ELMOD1: variants seen among roughly 807,000 people sequenced by gnomAD.
ELMOD1 encodes the protein ELMO domain-containing protein 1.
A neutral mutation model predicts 46.7 loss-of-function variants in ELMOD1; 21 were observed. The observed-to-expected ratio is 0.45, with a 90% confidence interval of 0.32 to 0.65. ELMOD1 has a LOEUF of 0.65. ELMOD1 is among the 30% of genes least tolerant of loss of function. ELMOD1 has a pLI of 0.04. For synonymous variants in ELMOD1, 122 were observed against 138.2 expected (o/e 0.88, Z 0.82); for missense variants, 348 against 407.8 (o/e 0.85, Z 1.26).
chr11:107,600,998 G>C (rs964859705), intron 1 of ELMOD1: 1 of 151,912 alleles, frequency 6.6e-6, no homozygotes, highest in Admixed American at 6.6e-5. Context: ...TAAAATGTAA[G>C]TTTTTGTGTA....
intron 11 of ELMOD1, among the ~76,000 whole-genome samples, chr11:107,659,666 GA>G (rs1866697847): frequency 8.2e-5 from 7 of 84,892 alleles, no homozygotes; most frequent in African/African-American, 2.2e-4. Flanking sequence ...TGGGTGGGTG[GA>G]TGGATGGATG....
rs749295217 is a variant in ELMOD1 at position 107,650,347 on chromosome 11, A to C, written c.567A>C (p.Glu189Asp). Reference sequence around the variant, plus strand: ...CCTCCCGCTGCAGGTATTTCGCGGAAAGGGATGCCACAGCAGCTCAGCAGG... The same window carrying C: ...CCTCCCGCTGCAGGTATTTCGCGGACAGGGATGCCACAGCAGCTCAGCAGG... ...LGLYNLQYFA[E>D]RDATAAQQVL... is the part of the protein sequence containing the mutation. The change falls in exon 8 of 12, where the codon GAA becomes GAC. Residue 189 changes from glutamate (E) to aspartate (D), a missense_variant. Glu to Asp is a conservative substitution (Grantham distance 45, BLOSUM62 2). Transcript: ENST00000265840. 3.1e-6 allele frequency: 5 copies of C among 1,587,948 alleles called. No homozygotes were observed. Among genetic ancestry groups the C allele is most frequent in the Non-Finnish European group, 4.3e-6 (5 of 1,165,710 alleles).
At chr11:107,633,441 CT>C (rs947485539) in intron 5 of ELMOD1, among the ~76,000 whole-genome samples, 8 of 151,564 alleles carry the variant, frequency 5.3e-5, no homozygotes, top group African/African-American at 9.7e-5. Flanking sequence ...TTATTTTAAT[CT>C]TTTTTTTGAG....
chr11:107,602,129 T>C (rs548762714), intron 1 of ELMOD1, among the ~76,000 whole-genome samples: 2 of 152,232 alleles, frequency 1.3e-5, no homozygotes. Flanking sequence ...TTTGGCTAAG[T>C]GTAGAAATGT....
At chr11:107,621,819 G>C (rs184372470) in intron 2 of ELMOD1, among the ~76,000 whole-genome samples, 53 of 138,536 alleles carry the variant, frequency 3.8e-4, no homozygotes, top group African/African-American at 1.3e-3. Context: ...CTGAGGTCAG[G>C]AGTTCAAGAC....
At chr11:107,618,510 G>T (rs1486160824) in intron 2 of ELMOD1, among the ~76,000 whole-genome samples, 1 of 152,202 alleles carries the variant, frequency 6.6e-6, no homozygotes, top group African/African-American at 2.4e-5. Context: ...GGCCTGAAAG[G>T]TTTAAGGAAA....
intron 2 of ELMOD1, among the ~76,000 whole-genome samples, chr11:107,621,422 C>A (rs1389197030): frequency 6.6e-6 from 1 of 152,220 alleles, no homozygotes; most frequent in Admixed American, 6.5e-5. Flanking sequence ...AAAATAACTA[C>A]AAATTGGATT....
intron 1 of ELMOD1, among the ~76,000 whole-genome samples, chr11:107,612,229 G>T (rs1865792668): frequency 6.6e-6 from 1 of 152,148 alleles, no homozygotes; most frequent in Non-Finnish European, 1.5e-5. Flanking sequence ...GATACAGCTG[G>T]ATGCCATTAT....
rs923840853 is a variant in ELMOD1 at position 107,630,455 on chromosome 11, T to C, written c.56T>C (p.Phe19Ser). The C allele has an allele frequency of 1.2e-5, 19 of 1,604,148 alleles. No individual in the cohort carries two copies. Among genetic ancestry groups the C allele is most frequent in the African/African-American group, 2.7e-5 (2 of 74,830 alleles). ...IQVCLYFYCK[F>S]LWRCLKFVMR... Reference sequence around the variant, plus strand: ...GTATGCCTGTATTTTTACTGTAAATTTCTGTGGCGCTGCCTGAAATTTGTA... The same window carrying C: ...GTATGCCTGTATTTTTACTGTAAATCTCTGTGGCGCTGCCTGAAATTTGTA... Residue 19 changes from phenylalanine to serine, a missense_variant, in exon 3 of 12, where the codon TTT (phenylalanine) becomes TCT (serine). Transcript: ENST00000265840.
chr11:107,631,629 T>C lies in ELMOD1; in HGVS notation c.242T>C (p.Ile81Thr), dbSNP rs373004553. 3 of 1,564,752 alleles carry C rather than the reference T, an allele frequency of 1.9e-6. No homozygotes were observed. The highest frequency in any genetic ancestry group is 1.4e-5 in the African/African-American group (1 of 73,538). The change falls in exon 5 of 12, where the codon ATA becomes ACA. Residue 81 changes from isoleucine (I) to threonine (T), a missense_variant. Physicochemically the swap from Ile to Thr is moderately conservative, Grantham distance 89. Coordinates refer to ENST00000265840, the MANE Select transcript of ELMOD1 (RefSeq NM_018712.4). ...SVHPDAIEKT[I>T]EDIMELKKIN... ...CACCCCGACGCTATTGAAAAAACTA[T>C]AGAAGATATCATGGAACTGAAAAAA... is the stretch of plus-strand genomic sequence containing the variant.
At chr11:107,619,431 A>G (rs575868265) in intron 2 of ELMOD1, among the ~76,000 whole-genome samples, 1 of 152,178 alleles carries the variant, frequency 6.6e-6, no homozygotes, top group Non-Finnish European at 1.5e-5. Context: ...AAAATTTGGC[A>G]TTTGTGCACA....
chr11:107,628,323 C>T (rs1308722869), intron 2 of ELMOD1, among the ~76,000 whole-genome samples: 5 of 152,006 alleles, frequency 3.3e-5, no homozygotes, highest in Admixed American at 6.6e-5. Context: ...TGTGCCACCA[C>T]GCCCAGCTAA....
chr11:107,614,587 T>C (rs4754234), intron 1 of ELMOD1, among the ~76,000 whole-genome samples: 81,656 of 151,878 alleles, frequency 0.54, 22,382 homozygotes, highest in East Asian at 0.8. Context: ...TCCACCCGCC[T>C]CGGCCTCCCA....
chr11:107,607,086 A>G (rs1310696616), intron 1 of ELMOD1, among the ~76,000 whole-genome samples: 3 of 152,196 alleles, frequency 2.0e-5, no homozygotes, highest in African/African-American at 7.2e-5. Context: ...TACCTCACCC[A>G]GACAATAGCC....
chr11:107,601,520 A>G (rs1865598900), intron 1 of ELMOD1, among the ~76,000 whole-genome samples: 1 of 150,762 alleles, frequency 6.6e-6, no homozygotes, highest in Non-Finnish European at 1.5e-5. Flanking sequence ...AGTTCAAGCA[A>G]TTCTCCTGCC....
intron 10 of ELMOD1, 40 bp from the exon 11 acceptor site, chr11:107,655,893 T>C (rs762114588): frequency 1.0e-5 from 16 of 1,583,316 alleles, no homozygotes; most frequent in Admixed American, 1.8e-5. Flanking sequence ...TTATTTCTTC[T>C]ATGTGACACA....
chr11:107,625,646 C>T (rs1458311247), intron 2 of ELMOD1: 4 of 841,596 alleles, frequency 4.8e-6, no homozygotes, highest in Non-Finnish European at 5.7e-6. Flanking sequence ...GCCACAAGAC[C>T]GGAGGTTGCT....
At position 107,651,744 on chromosome 11, in the gene ELMOD1, G is replaced by C. The variant is rs138985324; in HGVS notation, c.647+836G>C. Among the ~76,000 whole-genome samples, 624 of 152,216 alleles carry C rather than the reference G, an allele frequency of 4.1e-3. 2 individuals are homozygous for C. The highest frequency in any genetic ancestry group is 0.011 in the African/African-American group (456 of 41,542). ...TCTAAACTCCCTCTAGTTAAAATTG[G>C]CTGGGGAGTCAATCCATGCTCTCAG... On this transcript the variant is annotated intron_variant, in intron 9 of 11. Coordinates refer to ENST00000265840, the MANE Select transcript of ELMOD1 (RefSeq NM_018712.4).
intron 11 of ELMOD1, among the ~76,000 whole-genome samples, chr11:107,659,654 G>GGTGC (rs1866696221): frequency 7.2e-6 from 1 of 138,962 alleles, no homozygotes; most frequent in Non-Finnish European, 1.6e-5. Context: ...TGGGTGGGTG[G>GGTGC]GTGGGTGGGT....
Sources: gnomAD v4.1 joint callset for allele counts (sites outside exome capture counted in the v4.1 genomes callset) on GRCh38, gnomAD v4.1.1 for gene constraint, MANE v1.5 for transcripts, NCBI Gene and HGNC (gene_info 2026-07-23, HGNC 2026-07-21) for gene names.